The following MC5R variants were observed in gnomAD, a reference collection of about 807,000 sequenced individuals.
MC5R encodes melanocortin 5 receptor.
For missense variants in MC5R, 420 were observed against 431.4 expected, an observed-to-expected ratio of 0.97 and a Z score of 0.23; for synonymous variants, 167 against 164.4, an observed-to-expected ratio of 1.02 and a Z score of -0.12.
At chr18:13,825,682 G>C in intron 1 of MC5R, 45 bp from the exon 2 acceptor site, 2 of 1,237,828 alleles carry the variant, frequency 1.6e-6, no homozygotes, top group South Asian at 3.0e-5. Flanking sequence ...TTCTTTGGTA[G>C]GCTGCTAACC....
chr18:13,826,242 AGG>A lies in MC5R; in HGVS notation c.480_481del (p.Ala161HisfsTer126). 1 of 1,614,126 alleles carries A rather than the reference AGG, an allele frequency of 6.2e-7. No homozygotes were observed. Among genetic ancestry groups the A allele is most frequent in the South Asian group, 1.1e-5 (1 of 91,074 alleles). On this transcript the variant is annotated frameshift_variant, in exon 2 of 2. Transcript: ENST00000589410. LOFTEE classifies it low-confidence loss of function (END_TRUNC). ...YHHIMTARRS[G>X]AIIAGIWAFC... ...ACCACATCATGACGGCGAGGCGCTC[AGG>A]GGCCATCATCGCCGGCATCTGGGCT...
rs771492004 is a variant in MC5R at position 13,826,482 on chromosome 18, C to T, written c.717C>T (p.Thr239=). The change falls in exon 2 of 2, where the codon ACC becomes ACT. Residue 239 remains threonine (T), a synonymous_variant. Transcript: ENST00000589410. ...GGACCAGCATGCAGGGCGCGGTCAC[C>T]GTCACCATGCTGCTGGGCGTGTTTA... ...RQRTSMQGAV[T]VTMLLGVFTV... 16 of 1,613,496 alleles carry T rather than the reference C, an allele frequency of 9.9e-6. No homozygotes were observed. Among genetic ancestry groups the T allele is most frequent in the East Asian group, 2.2e-5 (1 of 44,878 alleles).
In MC5R at chr18:13,825,976, A is replaced by T. The variant is rs561950682; in HGVS notation, c.211A>T (p.Met71Leu). The change falls in exon 2 of 2, where the codon ATG (methionine) becomes TTG (leucine). Residue 71 changes from methionine (M) to leucine (L), a missense_variant. Physicochemically the swap from Met to Leu is conservative, Grantham distance 15. Coordinates refer to ENST00000589410, the MANE Select transcript of MC5R (RefSeq NM_005913.3). ...IVKNKNLHSPMYFFVCSLAVA... is the reference protein window; with the variant it reads ...IVKNKNLHSPLYFFVCSLAVA... ...GAAGAACAAAAACCTGCACTCCCCCATGTACTTCTTCGTGTGCAGCCTGGC... is the reference window on the plus strand; with the variant it reads ...GAAGAACAAAAACCTGCACTCCCCCTTGTACTTCTTCGTGTGCAGCCTGGC... 9 of 1,614,116 alleles carry T rather than the reference A, an allele frequency of 5.6e-6. No homozygotes were observed. In the Admixed American group the frequency reaches 1.3e-4, roughly 24 times the overall value.
In MC5R at chr18:13,826,567, C is replaced by G. The variant is rs17848295; in HGVS notation, c.802C>G (p.Leu268Val). 309 of 1,614,182 alleles carry G rather than the reference C, an allele frequency of 1.9e-4. 4 individuals carry two copies. In the East Asian group the frequency reaches 6.8e-3, roughly 35 times the overall value. The change falls in exon 2 of 2, where the codon CTC becomes GTC. Residue 268 changes from leucine to valine, a missense_variant. Coordinates refer to ENST00000589410, the MANE Select transcript of MC5R (RefSeq NM_005913.3). ...TTTAATGCTTTCTTGCCCTCAGAAC[C>G]TCTACTGCTCTCGCTTCATGTCTCA... is the stretch of plus-strand genomic sequence containing the variant. ...LTLMLSCPQN[L>V]YCSRFMSHFN...
At chr18:13,825,620 T>G in intron 1 of MC5R, 107 bp from the exon 2 acceptor site, 1 of 651,276 alleles carries the variant, frequency 1.5e-6, no homozygotes, top group Non-Finnish European at 2.6e-6. Flanking sequence ...TGATGCACTG[T>G]GTCATTCATC....
chr18:13,825,524 T>C, intron 1 of MC5R: 1 of 381,778 alleles, frequency 2.6e-6, no homozygotes, highest in Non-Finnish European at 4.6e-6. Flanking sequence ...TGGCCAGGAG[T>C]TTGAGACCAG....
chr18:13,826,237 C>A lies in MC5R; in HGVS notation c.472C>A (p.Arg158Ser). The A allele has an allele frequency of 6.2e-7, 1 of 1,614,144 alleles. No homozygotes were observed. Among genetic ancestry groups the A allele is most frequent in the Non-Finnish European group, 8.5e-7 (1 of 1,180,038 alleles). Residue 158 changes from arginine (R) to serine (S), a missense_variant, in exon 2 of 2, where the codon CGC becomes AGC. Arg to Ser is a moderately radical substitution (Grantham distance 110). Coordinates refer to ENST00000589410, the MANE Select transcript of MC5R (RefSeq NM_005913.3). Reference protein sequence around the residue: ...LRYHHIMTARRSGAIIAGIWA... With the variant: ...LRYHHIMTARSSGAIIAGIWA... ...CTACCACCACATCATGACGGCGAGG[C>A]GCTCAGGGGCCATCATCGCCGGCAT...
Position 13,825,772 on chromosome 18 carries a change from TC to T in MC5R, c.9del (p.Ser4HisfsTer11). 6.4e-7 allele frequency: 1 copy of T among 1,565,638 alleles called. No homozygotes were observed. Among genetic ancestry groups the T allele is most frequent in the South Asian group, 1.2e-5 (1 of 82,936 alleles). On this transcript the variant is annotated frameshift_variant, in exon 2 of 2. Transcript: ENST00000589410. LOFTEE classifies it low-confidence loss of function (END_TRUNC). ...GAGGTGTATTTCTCCAGCAATGAAT[TC>T]CTCATTTCACCTGCATTTCTTGGAT... MNSSFHLHFLDLN... is the reference protein window; with the variant it reads MNXSFHLHFLDLN...
intron 1 of MC5R, among the ~76,000 whole-genome samples, 191 bp downstream of exon 1, chr18:13,824,465 G>T (rs45494099): frequency 0.015 from 2,320 of 152,276 alleles, 49 homozygotes; most frequent in African/African-American, 0.045. Flanking sequence ...TGTAACAAAT[G>T]ATTGTAGTTC....
chr18:13,824,395 C>T (rs1187683530), intron 1 of MC5R, 121 bp downstream of exon 1: 1 of 152,244 alleles, frequency 6.6e-6, no homozygotes, highest in African/African-American at 2.4e-5. Flanking sequence ...TTTAACACAG[C>T]TCGATATGAT....
chr18:13,824,255 GC>G lies in MC5R; in HGVS notation c.-56del, dbSNP rs1300788116. Reference sequence around the variant, plus strand: ...CCGGGGGCCCGGGCTGAGCGCCGCGGCCCGCGAGGAGGAGCACCGGTAAATA... The same window carrying G: ...CCGGGGGCCCGGGCTGAGCGCCGCGGCCGCGAGGAGGAGCACCGGTAAATA... On this transcript the variant is annotated 5_prime_UTR_variant, in exon 1 of 2. Transcript: ENST00000589410. 6.6e-6 allele frequency: 1 copy of G among 152,246 alleles called. No individual in the cohort carries two copies. Among genetic ancestry groups the G allele is most frequent in the Non-Finnish European group, 1.5e-5 (1 of 68,042 alleles). 9.4% of individuals were successfully genotyped at this position (152,246 alleles called of 1,614,324 possible). A position where few individuals can be genotyped will look rare whatever the true frequency, so the allele number is the denominator to read the frequency against.
Position 13,825,813 on chromosome 18 carries a change from C to A in MC5R, c.48C>A (p.Ala16=). The A allele has an allele frequency of 6.2e-7, 1 of 1,606,342 alleles. No homozygotes were observed. Among genetic ancestry groups the A allele is most frequent in the Non-Finnish European group, 8.5e-7 (1 of 1,177,304 alleles). ...ATTTCTTGGATCTCAACCTGAATGCCACAGAGGGCAACCTTTCAGGACCCA... is the reference window on the plus strand; with the variant it reads ...ATTTCTTGGATCTCAACCTGAATGCAACAGAGGGCAACCTTTCAGGACCCA... ...HLHFLDLNLN[A]TEGNLSGPNV... is the part of the protein sequence containing the mutation. The change falls in exon 2 of 2, where the codon GCC becomes GCA. Residue 16 remains alanine, a synonymous_variant. Transcript: ENST00000589410.
rs761134550 is a variant in MC5R, at chr18:13,826,795, G to A, written c.*52G>A. On this transcript the variant is annotated 3_prime_UTR_variant, in exon 2 of 2. Coordinates refer to ENST00000589410, the MANE Select transcript of MC5R (RefSeq NM_005913.3). ...TGTTCTCCTTTGTTTGCTCACCTAT[G>A]ACAAAGCGACAGCCAAGGGGTAGGC... 3.3e-6 allele frequency: 5 copies of A among 1,527,550 alleles called. No homozygotes were observed. The highest frequency in any genetic ancestry group is 4.4e-6 in the Non-Finnish European group (5 of 1,145,810). The allele number at this position is 1,527,550 out of a possible 1,614,324, so 94.6% of individuals were successfully genotyped here.
In MC5R at chr18:13,826,461, C is replaced by G. The variant is rs754490931; in HGVS notation, c.696C>G (p.Thr232=). ...LPGASSARQR[T]SMQGAVTVTM... ...GGGCCAGCTCTGCGCGGCAGAGGAC[C>G]AGCATGCAGGGCGCGGTCACCGTCA... The change falls in exon 2 of 2, where the codon ACC becomes ACG. Residue 232 remains threonine, a synonymous_variant. Transcript: ENST00000589410. 6.2e-7 allele frequency: 1 copy of G among 1,613,722 alleles called. No individual in the cohort carries two copies. The highest frequency in any genetic ancestry group is 8.5e-7 in the Non-Finnish European group (1 of 1,179,704).
At chr18:13,824,363 C>T (rs2044915864) in intron 1 of MC5R, 89 bp downstream of exon 1, 1 of 152,254 alleles carries the variant, frequency 6.6e-6, no homozygotes, top group Non-Finnish European at 1.5e-5. Flanking sequence ...AGCGGGGCGG[C>T]AGCTAGCTTG....
Position 13,826,501 on chromosome 18 carries a change from G to C in MC5R, c.736G>C (p.Val246Leu). The change falls in exon 2 of 2, where the codon GTG becomes CTG. Residue 246 changes from valine (V) to leucine (L), a missense_variant. By Grantham distance (32) the Val-to-Leu change is conservative. Transcript: ENST00000589410. ...GGTCACCGTCACCATGCTGCTGGGC[G>C]TGTTTACCGTGTGCTGGGCCCCGTT... ...GAVTVTMLLG[V>L]FTVCWAPFFL... 6.2e-7 allele frequency: 1 copy of C among 1,613,706 alleles called. No individual in the cohort carries two copies. The highest frequency in any genetic ancestry group is 1.1e-5 in the South Asian group (1 of 91,066).
chr18:13,824,466 A>T (rs1413977970), intron 1 of MC5R, among the ~76,000 whole-genome samples, 192 bp downstream of exon 1: 1 of 152,164 alleles, frequency 6.6e-6, no homozygotes, highest in Non-Finnish European at 1.5e-5. Flanking sequence ...GTAACAAATG[A>T]TTGTAGTTCA....
chr18:13,826,232 C>A lies in MC5R; in HGVS notation c.467C>A (p.Ala156Glu). 1 of 1,614,106 alleles carries A rather than the reference C, an allele frequency of 6.2e-7. No homozygotes were observed. The highest frequency in any genetic ancestry group is 8.5e-7 in the Non-Finnish European group (1 of 1,180,032). ...YALRYHHIMT[A>E]RRSGAIIAGI... ...CTGCGCTACCACCACATCATGACGG[C>A]GAGGCGCTCAGGGGCCATCATCGCC... Residue 156 changes from alanine to glutamate, a missense_variant, in exon 2 of 2, where the codon GCG becomes GAG. Transcript: ENST00000589410.
In MC5R at chr18:13,826,836, C is replaced by T. The variant is rs562930991; in HGVS notation, c.*93C>T. The stretch of plus-strand genomic sequence containing the variant: ...AGGGGTAGGCGGGAGTGCTAGCATC[C>T]CATTTTTCTCTTTACCAGCTCAGAC... On this transcript the variant is annotated 3_prime_UTR_variant, in exon 2 of 2. Coordinates refer to ENST00000589410, the MANE Select transcript of MC5R (RefSeq NM_005913.3). 7.1e-7 allele frequency: 1 copy of T among 1,407,460 alleles called. No homozygotes were observed. Among genetic ancestry groups the T allele is most frequent in the Non-Finnish European group, 9.5e-7 (1 of 1,050,508 alleles). 87.2% of individuals were successfully genotyped at this position (1,407,460 alleles called of 1,614,324 possible).
Sources: gnomAD v4.1 joint callset for allele counts (sites outside exome capture counted in the v4.1 genomes callset) on GRCh38, gnomAD v4.1.1 for gene constraint, MANE v1.5 for transcripts, NCBI Gene and HGNC (gene_info 2026-07-23, HGNC 2026-07-21) for gene names.